Variants in SRRM1 observed in about 807,000 individuals in gnomAD.
SRRM1 encodes the protein serine and arginine repetitive matrix 1.
A neutral mutation model predicts 110.2 loss-of-function variants in SRRM1; 19 were observed. That is an observed-to-expected ratio of 0.17 (90% CI 0.12 to 0.25). The LOEUF (loss-of-function observed/expected upper bound fraction) is 0.25. Ranked by LOEUF, SRRM1 falls within the 10% of genes least tolerant of loss-of-function variation. SRRM1 has a pLI of 1.00. For synonymous variants in SRRM1, 443 were observed against 414.9 expected (o/e 1.07, Z -0.82); for missense variants, 918 against 1,145.8 (o/e 0.80, Z 2.87).
Position 24,672,459 on chromosome 1 carries a change from G to T in SRRM1, c.*173G>T, listed in dbSNP as rs1317431922. ...ATTTACATTGCAAAAGGTGTCCACA[G>T]TGTATTAGTGACATTCTTTCATTGA... is the stretch of plus-strand genomic sequence containing the variant. On this transcript the variant is annotated 3_prime_UTR_variant, in exon 17 of 17. Transcript: ENST00000323848. 2.5e-6 allele frequency: 1 copy of T among 406,508 alleles called. No homozygotes were observed. The highest frequency in any genetic ancestry group is 4.5e-6 in the Non-Finnish European group (1 of 220,734). 25.2% of individuals were successfully genotyped at this position (406,508 alleles called of 1,614,324 possible).
intron 14 of SRRM1, 82 bp from the exon 15 acceptor site, chr1:24,670,038 G>A: frequency 8.1e-7 from 1 of 1,231,134 alleles, no homozygotes; most frequent in Non-Finnish European, 1.1e-6. Context: ...TCATAACCTG[G>A]TTGTACAGTG....
At chr1:24,646,522 CAAAAAA>C in intron 2 of SRRM1, 139 bp from the exon 3 acceptor site, 4 of 402,424 alleles carry the variant, frequency 9.9e-6, no homozygotes, top group Admixed American at 6.8e-5. Flanking sequence ...GACTCTGTCT[CAAAAAA>C]AAAAAAAAAA....
At chr1:24,664,010 T>TTG (rs1553175200) in intron 12 of SRRM1, among the ~76,000 whole-genome samples, 5 of 134,736 alleles carry the variant, frequency 3.7e-5, no homozygotes, top group African/African-American at 6.0e-5. Flanking sequence ...TTTTTTTTTT[T>TTG]GTTGAGATGG....
At chr1:24,667,965 CTTTTT>C (rs1038405035) in intron 13 of SRRM1, among the ~76,000 whole-genome samples, 29 of 68,524 alleles carry the variant, frequency 4.2e-4, no homozygotes, top group African/African-American at 1.7e-3. Context: ...TGCTGCCACT[CTTTTT>C]TTTTTTTTTT....
intron 12 of SRRM1, chr1:24,663,298 AC>A (rs1294794090): frequency 8.7e-7 from 1 of 1,155,016 alleles, no homozygotes; most frequent in African/African-American, 1.5e-5. Context: ...TATTTAGGTG[AC>A]CTCATCTCAT....
chr1:24,649,137 T>C (rs1659111555), intron 4 of SRRM1, 108 bp downstream of exon 4: 1 of 1,007,880 alleles, frequency 9.9e-7, no homozygotes, highest in East Asian at 2.4e-5. Context: ...AGTTTTGCTT[T>C]GCTGTACTGT....
intron 12 of SRRM1, chr1:24,663,355 T>C (rs2148627229): frequency 3.5e-6 from 2 of 568,610 alleles, no homozygotes; most frequent in East Asian, 3.1e-5. Flanking sequence ...AGATCCTAAG[T>C]TGTTTTGGTT....
intron 13 of SRRM1, among the ~76,000 whole-genome samples, chr1:24,668,345 A>G (rs1186508073): frequency 6.6e-6 from 1 of 152,180 alleles, no homozygotes; most frequent in African/African-American, 2.4e-5. Flanking sequence ...TAGTCTTCAA[A>G]GCGACCTTGC....
intron 8 of SRRM1, among the ~76,000 whole-genome samples, chr1:24,653,433 GTATTTT>G (rs1662203580): frequency 1.3e-5 from 2 of 152,156 alleles, no homozygotes; most frequent in South Asian, 4.1e-4. Context: ...TTTGAGAAAA[GTATTTT>G]TATGAATTTT....
At chr1:24,658,142 A>G (rs961971180) in intron 9 of SRRM1, among the ~76,000 whole-genome samples, 6 of 152,180 alleles carry the variant, frequency 3.9e-5, no homozygotes, top group Admixed American at 6.5e-5. Flanking sequence ...AATATTAATA[A>G]TGCTGTGATT....
intron 12 of SRRM1, among the ~76,000 whole-genome samples, chr1:24,664,680 G>A (rs960512117): frequency 2.0e-5 from 3 of 152,174 alleles, no homozygotes; most frequent in African/African-American, 4.8e-5. Context: ...AGCAAAGCAC[G>A]GGGTATTTAC....
At chr1:24,669,089 A>AGCCTTTC (rs1671474926) in intron 13 of SRRM1, 34 bp from the exon 14 acceptor site, 1 of 1,569,232 alleles carries the variant, frequency 6.4e-7, no homozygotes, top group African/African-American at 1.4e-5. Flanking sequence ...TATTTTGTTG[A>AGCCTTTC]GCCTTTCAGC....
At chr1:24,670,352 A>G (rs757935275) in intron 15 of SRRM1, 37 bp downstream of exon 15, 12 of 1,552,986 alleles carry the variant, frequency 7.7e-6, no homozygotes, top group East Asian at 2.3e-5. Flanking sequence ...CCTTTTATAA[A>G]TATGTATATG....
chr1:24,643,616 G>T, intron 1 of SRRM1: 2 of 394,402 alleles, frequency 5.1e-6, no homozygotes, highest in Non-Finnish European at 9.0e-6. Flanking sequence ...ATGGTACCTC[G>T]CTGCCCGCCT....
At chr1:24,661,458 A>G (rs1570959962) in intron 11 of SRRM1, 62 bp downstream of exon 11, 2 of 1,210,342 alleles carry the variant, frequency 1.7e-6, no homozygotes, top group East Asian at 2.4e-5. Flanking sequence ...TACTTGGTAT[A>G]TAAACATCTG....
At chr1:24,665,410 CAA>C (rs1491173587) in intron 12 of SRRM1, among the ~76,000 whole-genome samples, 1 of 145,972 alleles carries the variant, frequency 6.9e-6, no homozygotes, top group African/African-American at 2.6e-5. Flanking sequence ...GCCTGGGCAA[CAA>C]GAGCAAAACT....
chr1:24,661,171 C>T, intron 10 of SRRM1, 139 bp from the exon 11 acceptor site: 1 of 599,362 alleles, frequency 1.7e-6, no homozygotes, highest in South Asian at 2.5e-5. Flanking sequence ...GCATTTTAAA[C>T]TCTTTTTAAA....
Position 24,664,435 on chromosome 1 carries a change from C to T in SRRM1, c.1628+1631C>T, listed in dbSNP as rs921387698. ...CCCTGATGGGGTAGTTTCTTAGGGC[C>T]GCAAAGTGACAAAGTTGGATCTTAG... On this transcript the variant is annotated intron_variant, in intron 12 of 16. Transcript: ENST00000323848. Among the ~76,000 whole-genome samples the T allele has an allele frequency of 3.9e-5, 6 of 152,158 alleles. No individual in the cohort carries two copies. In the East Asian group the frequency reaches 5.8e-4, roughly 15 times the overall value.
chr1:24,648,649 AGT>A, intron 3 of SRRM1: 1 of 469,300 alleles, frequency 2.1e-6, no homozygotes, highest in South Asian at 4.0e-5. Flanking sequence ...CTTTTGGTAG[AGT>A]GAGAGAGAAT....
Sources: gnomAD v4.1 joint callset for allele counts (sites outside exome capture counted in the v4.1 genomes callset) on GRCh38, gnomAD v4.1.1 for gene constraint, MANE v1.5 for transcripts, NCBI Gene and HGNC (gene_info 2026-07-23, HGNC 2026-07-21) for gene names.